Variants in SCGB2B2 observed in about 807,000 individuals in gnomAD.
SCGB2B2 encodes the protein secretoglobin family 2B member 2, also known as secretoglobin-like protein.
SCGB2B2 carries 11 observed loss-of-function variants against 7.6 expected under a neutral mutation model. The observed-to-expected ratio is 1.45, with a 90% CI of 0.91 to 2.40. The LOEUF (loss-of-function observed/expected upper bound fraction) is 2.40. SCGB2B2 is among the 30% of genes most tolerant of loss of function. The probability of loss-of-function intolerance (pLI) is 0.00; values close to 1 mark genes in which losing one functional copy is unlikely to be tolerated. For missense variants in SCGB2B2, 104 were observed against 115.4 expected, an observed-to-expected ratio of 0.90 and a Z score of 0.45; for synonymous variants, 50 against 48.6, an observed-to-expected ratio of 1.03 and a Z score of -0.12.
rs1300982423 is a variant in SCGB2B2 at position 34,676,657 on chromosome 19, G to T, written c.-3059C>A. 1 of 152,076 alleles carries T rather than the reference G, an allele frequency of 6.6e-6. No homozygotes were observed. The highest frequency in any genetic ancestry group is 2.4e-5 in the African/African-American group (1 of 41,390). The allele number at this position is 152,076 out of a possible 1,614,324, so 9.4% of individuals were successfully genotyped here. A position where few individuals can be genotyped will look rare whatever the true frequency, so the allele number is the denominator to read the frequency against. Reference sequence around the variant, plus strand: ...GTGAGCTCTAAGAACTCTCTCTTGGGGTCGGATCCGGACCCCTTTCTGGTA... The same window carrying T: ...GTGAGCTCTAAGAACTCTCTCTTGGTGTCGGATCCGGACCCCTTTCTGGTA... On this transcript the variant is annotated 5_prime_UTR_variant, in exon 1 of 4. Transcript: ENST00000601241.
At chr19:34,600,311 C>T (rs768330077) in intron 1 of SCGB2B2, among the ~76,000 whole-genome samples, 17 of 152,028 alleles carry the variant, frequency 1.1e-4, no homozygotes, top group Non-Finnish European at 2.1e-4. Flanking sequence ...TTAAGTCTAC[C>T]CTGGTACACT....
rs1203361680 is a variant in SCGB2B2, at chr19:34,595,701, C to G, written c.-1138G>C. ...ATGGCCAGTTTATACAGGCACCCCACAAGCCCTTTTCCCAGCACCTACATA... is the reference window on the plus strand; with the variant it reads ...ATGGCCAGTTTATACAGGCACCCCAGAAGCCCTTTTCCCAGCACCTACATA... On this transcript the variant is annotated 5_prime_UTR_variant, in exon 2 of 4. Transcript: ENST00000601241. The G allele has an allele frequency of 6.6e-6, 1 of 152,242 alleles. No individual in the cohort carries two copies. The highest frequency in any genetic ancestry group is 1.5e-5 in the Non-Finnish European group (1 of 68,054). 9.4% of individuals were successfully genotyped at this position (152,242 alleles called of 1,614,324 possible).
chr19:34,646,112 C>T (rs547637732), intron 1 of SCGB2B2: 39 of 205,516 alleles, frequency 1.9e-4, no homozygotes, highest in African/African-American at 9.2e-4. Flanking sequence ...AGCCACAAGT[C>T]CCAGGCCTTA....
At chr19:34,593,713 T>A (rs1012184718) in intron 3 of SCGB2B2, 114 bp from the exon 4 acceptor site, 1 of 792,270 alleles carries the variant, frequency 1.3e-6, no homozygotes, top group Non-Finnish European at 2.1e-6. Flanking sequence ...TGTCTGCTTG[T>A]TGGGGATCCC....
At chr19:34,613,262 C>G (rs560318993) in intron 1 of SCGB2B2, among the ~76,000 whole-genome samples, 1 of 152,082 alleles carries the variant, frequency 6.6e-6, no homozygotes, top group Non-Finnish European at 1.5e-5. Flanking sequence ...CCATGCCCAG[C>G]TAATTTTTGT....
At chr19:34,624,957 A>T (rs2066330284) in intron 1 of SCGB2B2, among the ~76,000 whole-genome samples, 1 of 152,306 alleles carries the variant, frequency 6.6e-6, no homozygotes, top group Non-Finnish European at 1.5e-5. Flanking sequence ...GAGCCTTGGA[A>T]ATGAAAGTAC....
chr19:34,594,478 C>T, intron 2 of SCGB2B2, 25 bp downstream of exon 2: 1 of 1,612,244 alleles, frequency 6.2e-7, no homozygotes, highest in African/African-American at 1.3e-5. Flanking sequence ...CCGCTTCCTC[C>T]CAGCCCTGCT....
intron 1 of SCGB2B2, among the ~76,000 whole-genome samples, chr19:34,599,275 G>A (rs1335184860): frequency 6.6e-6 from 1 of 152,250 alleles, no homozygotes; most frequent in Non-Finnish European, 1.5e-5. Context: ...CGACCCAGCT[G>A]TGGAGGAGTT....
chr19:34,589,320 C>T (rs1419819507), downstream of SCGB2B2, among the ~76,000 whole-genome samples: 1 of 151,968 alleles, frequency 6.6e-6, no homozygotes, highest in Non-Finnish European at 1.5e-5. Flanking sequence ...GCTCAACGGC[C>T]TGTCTTCTAC....
downstream of SCGB2B2, among the ~76,000 whole-genome samples, chr19:34,585,965 A>G (rs2065182849): frequency 6.6e-6 from 1 of 152,220 alleles, no homozygotes. Flanking sequence ...TAATAGCTTT[A>G]TTGAAGTATA....
chr19:34,657,259 C>A (rs1473645011), intron 1 of SCGB2B2, among the ~76,000 whole-genome samples: 3 of 151,092 alleles, frequency 2.0e-5, no homozygotes, highest in Admixed American at 1.3e-4. Context: ...CCAACATTAA[C>A]CTTAAATGTA....
At chr19:34,625,339 G>A (rs1296440596) in intron 1 of SCGB2B2, among the ~76,000 whole-genome samples, 1 of 152,232 alleles carries the variant, frequency 6.6e-6, no homozygotes, top group Non-Finnish European at 1.5e-5. Context: ...CATCCGGGAA[G>A]CACAAGGGGT....
chr19:34,648,445 G>A (rs2067078035), intron 1 of SCGB2B2, among the ~76,000 whole-genome samples: 1 of 152,186 alleles, frequency 6.6e-6, no homozygotes, highest in Admixed American at 6.5e-5. Context: ...GGATGCAAAA[G>A]CATTTCACAT....
intron 1 of SCGB2B2, among the ~76,000 whole-genome samples, chr19:34,598,521 G>A (rs149878428): frequency 6.6e-6 from 1 of 152,062 alleles, no homozygotes; most frequent in Non-Finnish European, 1.5e-5. Flanking sequence ...AGGATTTTTG[G>A]ACACCTCAGC....
chr19:34,660,951 T>C (rs56339212), intron 1 of SCGB2B2, among the ~76,000 whole-genome samples: 1 of 151,980 alleles, frequency 6.6e-6, no homozygotes, highest in African/African-American at 2.4e-5. Flanking sequence ...GCCATAAGAA[T>C]GGATGAGTGC....
At chr19:34,667,217 T>G (rs1376153042) in intron 1 of SCGB2B2, among the ~76,000 whole-genome samples, 2 of 152,070 alleles carry the variant, frequency 1.3e-5, no homozygotes, top group Non-Finnish European at 2.9e-5. Context: ...GGAAAAGACC[T>G]CAGGGCGCTG....
rs139007213 is a variant in SCGB2B2, at chr19:34,594,208, G to A, written c.213C>T (p.Ser71=). The A allele has an allele frequency of 3.7e-5, 60 of 1,614,004 alleles. No homozygotes were observed. In the African/African-American group the frequency reaches 5.9e-4, roughly 16 times the overall value. The change falls in exon 3 of 4, where the codon TCC becomes TCT. Residue 71 remains serine (S), a synonymous_variant. Coordinates refer to ENST00000601241, the MANE Select transcript of SCGB2B2 (RefSeq NM_001025591.4). ...LNVQQCFANV[S]VTERFAHSVV... is the part of the protein sequence containing the mutation. ...CTGAATGAGCAAATCTTTCTGTCAC[G>A]GAGACATTGGCAAAGCATTGCTGGA...
At chr19:34,673,577 G>A (rs2067852814) in intron 1 of SCGB2B2, among the ~76,000 whole-genome samples, 1 of 152,232 alleles carries the variant, frequency 6.6e-6, no homozygotes. Flanking sequence ...TCTTATATAG[G>A]GGTCTTATCT....
At chr19:34,657,633 C>T (rs996812342) in intron 1 of SCGB2B2, among the ~76,000 whole-genome samples, 1 of 152,178 alleles carries the variant, frequency 6.6e-6, no homozygotes, top group Non-Finnish European at 1.5e-5. Flanking sequence ...GAGACTTAGA[C>T]TCCCACACCA....
Sources: allele counts gnomAD v4.1 joint callset (sites outside exome capture counted in the v4.1 genomes callset), GRCh38; gene constraint gnomAD v4.1.1; transcripts MANE v1.5; gene names NCBI Gene and HGNC (gene_info 2026-07-23, HGNC 2026-07-21).